The following NXPE2 variants were observed in gnomAD, a reference collection of about 807,000 sequenced individuals.
NXPE2 encodes neurexophilin and PC-esterase domain family member 2.
In NXPE2, 34 loss-of-function variants were observed where a neutral mutation model predicts 34.4. The observed-to-expected ratio is 0.99, with a 90% confidence interval of 0.75 to 1.31. The LOEUF (loss-of-function observed/expected upper bound fraction) is 1.31. Ranked by LOEUF, NXPE2 falls within the 40% of genes most tolerant of loss-of-function variation. The probability of loss-of-function intolerance (pLI) is 0.00; values close to 1 mark genes in which losing one functional copy is unlikely to be tolerated. For missense variants in NXPE2, 649 were observed against 672.5 expected (o/e 0.97, Z 0.39); for synonymous variants, 235 against 231.3 (o/e 1.02, Z -0.15).
intron 2 of NXPE2, 47 bp downstream of exon 2, chr11:114,679,809 T>G: frequency 9.2e-7 from 1 of 1,089,618 alleles, no homozygotes; most frequent in South Asian, 1.4e-5. Flanking sequence ...CACGGTGACT[T>G]CATTTGAATG....
At chr11:114,610,816 C>A in the NXPE2 span, among the ~76,000 whole-genome samples, 4 of 151,960 alleles carry the variant, frequency 2.6e-5, no homozygotes, top group African/African-American at 9.7e-5. Context: ...AGGGTTATCA[C>A]TGTTACCCTG....
the NXPE2 span, among the ~76,000 whole-genome samples, chr11:114,549,062 T>C: frequency 3.3e-5 from 5 of 151,656 alleles, no homozygotes; most frequent in African/African-American, 1.2e-4. Flanking sequence ...AATGGATAAC[T>C]CAGAAAATAC....
At chr11:114,580,287 A>C in the NXPE2 span, 4 of 1,614,026 alleles carry the variant, frequency 2.5e-6, no homozygotes, top group Non-Finnish European at 3.4e-6. Context: ...CCCACTGGGG[A>C]TTGTGGATGT....
chr11:114,564,759 G>A, the NXPE2 span, among the ~76,000 whole-genome samples: 1 of 152,108 alleles, frequency 6.6e-6, no homozygotes, highest in African/African-American at 2.4e-5. Context: ...TTGAATGCAA[G>A]AATATATGTT....
At chr11:114,473,485 G>C in the NXPE2 span, among the ~76,000 whole-genome samples, 1 of 152,068 alleles carries the variant, frequency 6.6e-6, no homozygotes, top group Non-Finnish European at 1.5e-5. Flanking sequence ...ATAAAACGTT[G>C]TGATACACTG....
the NXPE2 span, among the ~76,000 whole-genome samples, chr11:114,797,062 G>T: frequency 6.6e-6 from 1 of 152,196 alleles, no homozygotes; most frequent in African/African-American, 2.4e-5. Context: ...TGGCCTTTAG[G>T]CAGGAAGCAA....
chr11:114,626,108 C>A, the NXPE2 span, among the ~76,000 whole-genome samples: 4 of 152,170 alleles, frequency 2.6e-5, no homozygotes, highest in Non-Finnish European at 4.4e-5. Context: ...GAGGGGCGCC[C>A]GCCATTGCCC....
the NXPE2 span, among the ~76,000 whole-genome samples, chr11:114,473,081 T>G: frequency 6.6e-6 from 1 of 152,186 alleles, no homozygotes; most frequent in Non-Finnish European, 1.5e-5. Context: ...TTTAATCTCT[T>G]TCTCTGAGAA....
At chr11:114,735,500 G>A in the NXPE2 span, among the ~76,000 whole-genome samples, 1 of 152,112 alleles carries the variant, frequency 6.6e-6, no homozygotes, top group African/African-American at 2.4e-5. Context: ...TGCAAAATGG[G>A]GGGGTTAAAA....
At chr11:114,517,789 G>C in the NXPE2 span, 4 of 152,412 alleles carry the variant, frequency 2.6e-5, no homozygotes, top group African/African-American at 9.6e-5. Context: ...GTGGGAAACT[G>C]ACATCAAGGT....
chr11:114,486,254 G>A, the NXPE2 span, among the ~76,000 whole-genome samples: 1 of 152,118 alleles, frequency 6.6e-6, no homozygotes, highest in Non-Finnish European at 1.5e-5. Flanking sequence ...GATCAATAAG[G>A]TTGAGCATGT....
intron 3 of NXPE2, among the ~76,000 whole-genome samples, chr11:114,702,163 A>T (rs1407503673): frequency 6.6e-6 from 1 of 152,250 alleles, no homozygotes; most frequent in Non-Finnish European, 1.5e-5. Context: ...AGGAGAAGAC[A>T]TCACATAGGT....
At chr11:114,643,068 G>T in the NXPE2 span, among the ~76,000 whole-genome samples, 2 of 152,120 alleles carry the variant, frequency 1.3e-5, no homozygotes, top group East Asian at 1.9e-4. Flanking sequence ...CTTTTGAGAA[G>T]TGTCCATTCA....
chr11:114,555,608 A>G, the NXPE2 span, among the ~76,000 whole-genome samples: 1 of 152,150 alleles, frequency 6.6e-6, no homozygotes. Context: ...CAATAAGTAG[A>G]ATATTACCAC....
At chr11:114,565,234 T>G in the NXPE2 span, among the ~76,000 whole-genome samples, 2 of 152,334 alleles carry the variant, frequency 1.3e-5, no homozygotes, top group African/African-American at 2.4e-5. Context: ...TGATGAATTT[T>G]GGGGCCTCTC....
chr11:114,603,003 CAT>C, the NXPE2 span, among the ~76,000 whole-genome samples: 1 of 150,582 alleles, frequency 6.6e-6, no homozygotes, highest in African/African-American at 2.4e-5. Context: ...ATTACAGAAT[CAT>C]ATATAATAAT....
At chr11:114,751,630 C>T in the NXPE2 span, among the ~76,000 whole-genome samples, 49,609 of 151,864 alleles carry the variant, frequency 0.33, 8,932 homozygotes, top group East Asian at 0.43. Flanking sequence ...ATATTTCAGT[C>T]GGGAAAGCCT....
the NXPE2 span, among the ~76,000 whole-genome samples, chr11:114,466,029 T>G: frequency 6.6e-6 from 1 of 152,212 alleles, no homozygotes; most frequent in African/African-American, 2.4e-5. Context: ...ACAAGTATTA[T>G]TTAGTAGACT....
At chr11:114,568,525 CTCTT>C in the NXPE2 span, among the ~76,000 whole-genome samples, 1 of 150,348 alleles carries the variant, frequency 6.7e-6, no homozygotes, top group Non-Finnish European at 1.5e-5. Context: ...CTTTCATTCC[CTCTT>C]TCTTATTTTC....
Sources: gnomAD v4.1 joint callset for allele counts (sites outside exome capture counted in the v4.1 genomes callset) on GRCh38, gnomAD v4.1.1 for gene constraint, MANE v1.5 for transcripts, NCBI Gene and HGNC (gene_info 2026-07-23, HGNC 2026-07-21) for gene names.